TRPC6: variants seen among roughly 807,000 people sequenced by gnomAD.
The protein encoded by TRPC6 is transient receptor potential cation channel subfamily C member 6, also known as short transient receptor potential channel 6.
Under a neutral mutation model 90.7 loss-of-function variants are expected in TRPC6, and 55 were observed. The observed-to-expected ratio is 0.61, with a 90% CI of 0.49 to 0.76. TRPC6 has a LOEUF of 0.76. Ranked by LOEUF, TRPC6 falls within the 30% of genes least tolerant of loss-of-function variation. The pLI is 0.00. For missense variants in TRPC6, 989 were observed against 1,122.7 expected, an observed-to-expected ratio of 0.88 and a Z score of 1.70; for synonymous variants, 393 against 393.0, an observed-to-expected ratio of 1.00 and a Z score of 0.00.
intron 12 of TRPC6, 94 bp from the exon 13 acceptor site, chr11:101,453,200 C>T: frequency 8.1e-7 from 1 of 1,230,400 alleles, no homozygotes; most frequent in Non-Finnish European, 1.2e-6. Flanking sequence ...TCTAATTTCA[C>T]ACACAATTTT....
At chr11:101,488,077 T>C (rs566848112) in intron 4 of TRPC6, among the ~76,000 whole-genome samples, 11 of 152,314 alleles carry the variant, frequency 7.2e-5, no homozygotes, top group Middle Eastern at 3.4e-3. Context: ...TCTTTCTACA[T>C]AGCACATTAA....
intron 1 of TRPC6, among the ~76,000 whole-genome samples, chr11:101,578,470 T>C (rs1463413067): frequency 6.6e-6 from 1 of 152,212 alleles, no homozygotes; most frequent in Non-Finnish European, 1.5e-5. Context: ...TTACTTGTGG[T>C]CTCTAACATT....
chr11:101,555,247 G>C (rs552929112), intron 1 of TRPC6, among the ~76,000 whole-genome samples: 1 of 152,148 alleles, frequency 6.6e-6, no homozygotes, highest in African/African-American at 2.4e-5. Flanking sequence ...TGGTGTCAAC[G>C]GGTCATGGAA....
chr11:101,576,243 AG>A (rs1344642447), intron 1 of TRPC6, among the ~76,000 whole-genome samples: 4 of 152,348 alleles, frequency 2.6e-5, no homozygotes, highest in African/African-American at 9.6e-5. Context: ...GCTACAGAAT[AG>A]GTATTCAAAA....
Position 101,583,588 on chromosome 11 carries a change from C to T in TRPC6, c.-85G>A, listed in dbSNP as rs1364236189. 13 of 1,372,046 alleles carry T rather than the reference C, an allele frequency of 9.5e-6. No homozygotes were observed. The highest frequency in any genetic ancestry group is 1.2e-5 in the Non-Finnish European group (13 of 1,059,060). The allele number at this position is 1,372,046 out of a possible 1,614,324, so 85.0% of individuals were successfully genotyped here. ...GCGGGGACCCGGTGCGGAGGGTTCG[C>T]GTCAGCGGCCGAACTGGACCTGGGC... On this transcript the variant is annotated 5_prime_UTR_variant, in exon 1 of 13. Transcript: ENST00000344327.
chr11:101,526,617 C>T (rs1194417018), intron 1 of TRPC6, among the ~76,000 whole-genome samples: 1 of 151,858 alleles, frequency 6.6e-6, no homozygotes, highest in Non-Finnish European at 1.5e-5. Flanking sequence ...AATCCCAGCA[C>T]TTTGGGAGGC....
chr11:101,572,073 T>C (rs1387067776), intron 1 of TRPC6, among the ~76,000 whole-genome samples: 3 of 152,038 alleles, frequency 2.0e-5, no homozygotes, highest in South Asian at 4.1e-4. Context: ...TATCATCAGA[T>C]TGAATAGGCA....
chr11:101,561,867 C>T (rs926841016), intron 1 of TRPC6, among the ~76,000 whole-genome samples: 6 of 150,384 alleles, frequency 4.0e-5, no homozygotes, highest in African/African-American at 1.5e-4. Context: ...TATATTTATA[C>T]ATATTAGTTT....
intron 1 of TRPC6, among the ~76,000 whole-genome samples, chr11:101,557,056 C>T (rs1454775270): frequency 6.6e-6 from 1 of 152,050 alleles, no homozygotes. Context: ...AAGAAAGGTA[C>T]CTCAATAAAA....
intron 1 of TRPC6, among the ~76,000 whole-genome samples, chr11:101,567,672 A>G (rs1175410925): frequency 6.6e-6 from 1 of 152,214 alleles, no homozygotes; most frequent in Non-Finnish European, 1.5e-5. Context: ...AGGAAGGAAC[A>G]GGCAGCAATC....
intron 1 of TRPC6, among the ~76,000 whole-genome samples, chr11:101,563,660 G>C (rs1444770561): frequency 6.6e-6 from 1 of 152,084 alleles, no homozygotes; most frequent in Non-Finnish European, 1.5e-5. Context: ...TGAGGATAAA[G>C]AGGATGGGAA....
chr11:101,503,245 A>C (rs907467775), intron 2 of TRPC6, among the ~76,000 whole-genome samples: 2 of 152,136 alleles, frequency 1.3e-5, no homozygotes, highest in South Asian at 2.1e-4. Context: ...GACACCATTT[A>C]TCTCTCCAGA....
At chr11:101,562,938 A>G (rs1054391245) in intron 1 of TRPC6, among the ~76,000 whole-genome samples, 2 of 152,180 alleles carry the variant, frequency 1.3e-5, no homozygotes, top group Admixed American at 6.6e-5. Context: ...CTACGTGTAA[A>G]ACGCTTAGCA....
chr11:101,556,074 T>A (rs1353116867), intron 1 of TRPC6, among the ~76,000 whole-genome samples: 1 of 152,110 alleles, frequency 6.6e-6, no homozygotes, highest in Non-Finnish European at 1.5e-5. Context: ...CAAAAGCAGT[T>A]CTAAGAGCAA....
chr11:101,460,895 T>A (rs79291645), intron 10 of TRPC6, among the ~76,000 whole-genome samples: 1 of 152,212 alleles, frequency 6.6e-6, no homozygotes, highest in Non-Finnish European at 1.5e-5. Flanking sequence ...TTCTTGAGAC[T>A]AATAATTCAT....
Position 101,471,073 on chromosome 11 carries a change from A to T in TRPC6, c.2409+110T>A, listed in dbSNP as rs1207224612. The T allele has an allele frequency of 4.8e-6, 5 of 1,037,268 alleles. No individual in the cohort carries two copies. In the East Asian group the frequency reaches 1.2e-4, roughly 25 times the overall value. The allele number at this position is 1,037,268 out of a possible 1,614,324, so 64.3% of individuals were successfully genotyped here. ...GCTGTGTGAAGTGACTGCATATGGG[A>T]ATGAATGGATGTGTCATCAGGAACT... On this transcript the variant is annotated intron_variant, in intron 9 of 12. Transcript: ENST00000344327.
Position 101,473,701 on chromosome 11 carries a change from C to T in TRPC6, c.1817G>A (p.Ser606Asn). The stretch of plus-strand genomic sequence containing the variant: ...TAAAATATAAGCTATCCTAGAGAAA[C>T]TTAAAACTACAGCAATTGCATAAAG... ...EGLYAIAVVLSFSRIAYILPA... is the reference protein window; with the variant it reads ...EGLYAIAVVLNFSRIAYILPA... The change falls in exon 7 of 13, where the codon AGT (serine) becomes AAT (asparagine). Residue 606 changes from serine (S) to asparagine (N), a missense_variant. Physicochemically the swap from Ser to Asn is conservative, Grantham distance 46 (BLOSUM62 1). This residue lies in a region of TRPC6 where 118 missense variants were observed against 197.6 expected (regional missense o/e 0.60). Transcript: ENST00000344327. 1 of 1,613,702 alleles carries T rather than the reference C, an allele frequency of 6.2e-7. No individual in the cohort carries two copies. Among genetic ancestry groups the T allele is most frequent in the Non-Finnish European group, 8.5e-7 (1 of 1,179,760 alleles).
intron 1 of TRPC6, among the ~76,000 whole-genome samples, chr11:101,539,638 C>T (rs920583103): frequency 2.0e-5 from 3 of 152,166 alleles, no homozygotes; most frequent in Admixed American, 2.0e-4. Context: ...AAAAACTATG[C>T]TTCTTTTACC....
intron 2 of TRPC6, among the ~76,000 whole-genome samples, chr11:101,501,787 A>G (rs1037480257): frequency 3.3e-5 from 5 of 152,218 alleles, no homozygotes; most frequent in Non-Finnish European, 7.3e-5. Context: ...CTTGTGCAGT[A>G]ATTTTGAGTT....
Sources: gnomAD v4.1 joint callset for allele counts (sites outside exome capture counted in the v4.1 genomes callset) on GRCh38, gnomAD v4.1.1 for gene constraint, gnomAD v4.1.1 regional missense constraint, MANE v1.5 for transcripts, NCBI Gene and HGNC (gene_info 2026-07-23, HGNC 2026-07-21) for gene names.